Variants in ODAD2 observed in about 807,000 individuals in gnomAD.
ODAD2 encodes the protein outer dynein arm docking complex subunit 2.
Under a neutral mutation model 106.8 loss-of-function variants are expected in ODAD2, and 89 were observed. The observed-to-expected ratio is 0.83, with a 90% CI of 0.70 to 0.99. The LOEUF (loss-of-function observed/expected upper bound fraction) is 0.99, where lower values mean the gene tolerates loss of function less well. ODAD2 is among the 50% of genes least tolerant of loss of function. The pLI, the probability that ODAD2 is intolerant of heterozygous loss-of-function variation, is 0.00. For synonymous variants in ODAD2, 404 were observed against 436.2 expected (o/e 0.93, Z 0.92); for missense variants, 1,168 against 1,238.5 (o/e 0.94, Z 0.85).
intron 17 of ODAD2, among the ~76,000 whole-genome samples, chr10:27,895,043 A>AAAC (rs1412607641): frequency 6.6e-6 from 1 of 151,114 alleles, no homozygotes; most frequent in African/African-American, 2.4e-5. Flanking sequence ...ATCGGTACGA[A>AAAC]AAAAAAAAAA....
At chr10:27,882,646 C>T (rs1246291262) in intron 17 of ODAD2, among the ~76,000 whole-genome samples, 4 of 152,134 alleles carry the variant, frequency 2.6e-5, no homozygotes, top group African/African-American at 9.7e-5. Context: ...GGTATTTTAA[C>T]TTTCTCTATT....
intron 19 of ODAD2, among the ~76,000 whole-genome samples, chr10:27,834,875 T>C (rs571111808): frequency 3.9e-5 from 6 of 152,326 alleles, no homozygotes; most frequent in African/African-American, 9.6e-5. Flanking sequence ...AGAAATTGCC[T>C]GGAAGCTCCG....
At chr10:27,929,731 C>T (rs896734681) in intron 16 of ODAD2, among the ~76,000 whole-genome samples, 1 of 152,128 alleles carries the variant, frequency 6.6e-6, no homozygotes, top group Non-Finnish European at 1.5e-5. Flanking sequence ...TTTTCTCTCT[C>T]AGGATGTTTT....
At chr10:27,815,660 T>A (rs576817594) in intron 19 of ODAD2, among the ~76,000 whole-genome samples, 1 of 152,350 alleles carries the variant, frequency 6.6e-6, no homozygotes, top group Non-Finnish European at 1.5e-5. Context: ...CATTCTCATC[T>A]TCTCAATCTT....
intron 16 of ODAD2, among the ~76,000 whole-genome samples, chr10:27,920,732 G>C (rs373452280): frequency 6.6e-6 from 1 of 152,028 alleles, no homozygotes; most frequent in South Asian, 2.1e-4. Context: ...AGGTCACGAA[G>C]ACTTGTTCTG....
rs1840712262 is a variant in ODAD2 at position 27,869,635 on chromosome 10, A to G, written c.2611-7013T>C. On this transcript the variant is annotated intron_variant, in intron 17 of 19. Coordinates refer to ENST00000305242, the MANE Select transcript of ODAD2 (RefSeq NM_018076.5). ...CTGCAACTTCCGCCCCCTAGGTTCA[A>G]ATGATTCTCCTGGCTTAGCCTCCCA... Among the ~76,000 whole-genome samples the G allele has an allele frequency of 2.0e-5, 3 of 151,748 alleles. No homozygotes were observed. In the South Asian group the frequency reaches 6.2e-4, roughly 32 times the overall value.
chr10:27,952,280 G>A (rs1847398718), intron 10 of ODAD2, among the ~76,000 whole-genome samples: 1 of 151,638 alleles, frequency 6.6e-6, no homozygotes, highest in Non-Finnish European at 1.5e-5. Flanking sequence ...TTCAAACAAG[G>A]TACATTTTGC....
Position 27,980,088 on chromosome 10 carries a change from C to A in ODAD2, c.936+1378G>T, listed in dbSNP as rs1849451237. On this transcript the variant is annotated intron_variant, in intron 7 of 19. Coordinates refer to ENST00000305242, the MANE Select transcript of ODAD2 (RefSeq NM_018076.5). ...GACCATCCAAAAGAGAAAGGACAAT[C>A]TCTTCAACAAATTGTGCTGGGAAAA... 2.0e-5 allele frequency among the ~76,000 whole-genome samples: 3 copies of A among 152,270 alleles called. No homozygotes were observed. In the South Asian group the frequency reaches 6.2e-4, roughly 32 times the overall value.
rs548840722 is a variant in ODAD2, at chr10:27,830,512, G to C, written c.3022-17887C>G. Among the ~76,000 whole-genome samples, 23 of 152,334 alleles carry C rather than the reference G, an allele frequency of 1.5e-4. No individual in the cohort carries two copies. In the South Asian group the frequency reaches 3.5e-3, roughly 23 times the overall value. On this transcript the variant is annotated intron_variant, in intron 19 of 19. Coordinates refer to ENST00000305242, the MANE Select transcript of ODAD2 (RefSeq NM_018076.5). The stretch of plus-strand genomic sequence containing the variant: ...ATGTGTGTTTACAAATTTTAGAGAA[G>C]AGAGTTTTTCAGCCAAATCTTTAAC...
chr10:27,918,053 TA>T (rs201305183), intron 16 of ODAD2, among the ~76,000 whole-genome samples: 29 of 151,660 alleles, frequency 1.9e-4, no homozygotes, highest in Non-Finnish European at 3.0e-4. Flanking sequence ...ATCCTTTTCA[TA>T]AAAAAAACTC....
intron 8 of ODAD2, among the ~76,000 whole-genome samples, chr10:27,970,537 T>A (rs1028148993): frequency 3.9e-5 from 6 of 152,210 alleles, no homozygotes; most frequent in Admixed American, 3.9e-4. Flanking sequence ...ATTGTGTTCT[T>A]CTCTTCCCTT....
intron 10 of ODAD2, among the ~76,000 whole-genome samples, chr10:27,950,026 A>G (rs550785173): frequency 1.3e-5 from 2 of 152,298 alleles, no homozygotes; most frequent in Admixed American, 6.5e-5. Context: ...GATCAGGACC[A>G]GAGGCCTCTT....
intron 10 of ODAD2, among the ~76,000 whole-genome samples, chr10:27,952,803 T>C (rs748276257): frequency 5.9e-5 from 9 of 152,212 alleles, no homozygotes; most frequent in Non-Finnish European, 1.2e-4. Context: ...TGAAAACTAT[T>C]GGTATGTTAC....
At chr10:27,949,630 C>T (rs572051587) in intron 10 of ODAD2, among the ~76,000 whole-genome samples, 3 of 152,182 alleles carry the variant, frequency 2.0e-5, no homozygotes, top group Admixed American at 6.5e-5. Flanking sequence ...GAGCTGAAAA[C>T]CAGCTGGGCT....
intron 16 of ODAD2, among the ~76,000 whole-genome samples, chr10:27,915,683 G>A (rs1474223116): frequency 2.0e-5 from 3 of 152,224 alleles, no homozygotes; most frequent in African/African-American, 7.2e-5. Context: ...ATGCTAGAAG[G>A]AAAAGAACTG....
At chr10:27,828,453 A>ACC (rs1564402870) in intron 19 of ODAD2, among the ~76,000 whole-genome samples, 3 of 152,174 alleles carry the variant, frequency 2.0e-5, no homozygotes, top group Admixed American at 6.5e-5. Context: ...GAGAAGGAAT[A>ACC]TTCAAAGACC....
At chr10:27,875,261 C>T (rs1339254546) in intron 17 of ODAD2, among the ~76,000 whole-genome samples, 2 of 152,076 alleles carry the variant, frequency 1.3e-5, no homozygotes, top group Non-Finnish European at 2.9e-5. Context: ...TTCATCTAAT[C>T]TTTTTTTGAA....
chr10:27,992,721 A>G (rs1237114278), intron 2 of ODAD2, among the ~76,000 whole-genome samples: 1 of 152,036 alleles, frequency 6.6e-6, no homozygotes, highest in Non-Finnish European at 1.5e-5. Context: ...GTGCTGAGAT[A>G]TAAGAATGGA....
chr10:27,917,363 G>A (rs967247523), intron 16 of ODAD2, among the ~76,000 whole-genome samples: 6 of 151,992 alleles, frequency 3.9e-5, no homozygotes, highest in African/African-American at 1.4e-4. Context: ...TGTGGGATGA[G>A]GCTAAAACTG....
Sources: gnomAD v4.1 joint callset for allele counts (sites outside exome capture counted in the v4.1 genomes callset) on GRCh38, gnomAD v4.1.1 for gene constraint, MANE v1.5 for transcripts, NCBI Gene and HGNC (gene_info 2026-07-23, HGNC 2026-07-21) for gene names.